ENY2: variants seen among roughly 807,000 people sequenced by gnomAD.
ENY2 encodes transcription and mRNA export factor ENY2.
A neutral mutation model predicts 15.9 loss-of-function variants in ENY2; 4 were observed. The observed-to-expected ratio is 0.25, with a 90% CI of 0.12 to 0.57. ENY2 has a LOEUF of 0.57. Ranked by LOEUF, ENY2 falls within the 20% of genes least tolerant of loss-of-function variation. The probability of loss-of-function intolerance (pLI) is 0.91; values close to 1 mark genes in which losing one functional copy is unlikely to be tolerated. For synonymous variants in ENY2, 48 were observed against 38.0 expected (o/e 1.26, Z -0.97); for missense variants, 54 against 117.2 (o/e 0.46, Z 2.49).
chr8:109,336,058 C>G (rs1396425011), intron 1 of ENY2, 70 bp from the exon 2 acceptor site: 1 of 1,410,538 alleles, frequency 7.1e-7, no homozygotes, highest in Non-Finnish European at 9.9e-7. Flanking sequence ...TGTTAGGATG[C>G]CTGCCTAGAG....
At chr8:109,337,961 G>GAGCTTGCC (rs769994982) in intron 2 of ENY2, among the ~76,000 whole-genome samples, 12 of 152,148 alleles carry the variant, frequency 7.9e-5, no homozygotes, top group Non-Finnish European at 1.8e-4. Flanking sequence ...CCTGAGATAG[G>GAGCTTGCC]AGCTTGCCTT....
At position 109,336,218 on chromosome 8, in the gene ENY2, T is replaced by G. The variant is rs1481073997; in HGVS notation, c.83+14T>G. 6.2e-7 allele frequency: 1 copy of G among 1,603,898 alleles called. No individual in the cohort carries two copies. Among genetic ancestry groups the G allele is most frequent in the African/African-American group, 1.3e-5 (1 of 74,642 alleles). On this transcript the variant is annotated intron_variant, in intron 2 of 4. Coordinates refer to ENST00000521688, the MANE Select transcript of ENY2 (RefSeq NM_020189.6). ...AGAAAGAGAACGGTAAGTAATAGATTGTGTTAATAAATTACATTTCACCGC... is the reference window on the plus strand; with the variant it reads ...AGAAAGAGAACGGTAAGTAATAGATGGTGTTAATAAATTACATTTCACCGC...
chr8:109,340,349 T>C, intron 3 of ENY2, 140 bp from the exon 4 acceptor site: 2 of 1,247,182 alleles, frequency 1.6e-6, no homozygotes, highest in South Asian at 2.8e-5. Context: ...GTTTGTAAGG[T>C]TGAACTAAAT....
chr8:109,336,068 G>A (rs1481926049), intron 1 of ENY2, 60 bp from the exon 2 acceptor site: 2 of 1,519,268 alleles, frequency 1.3e-6, no homozygotes, highest in Non-Finnish European at 9.1e-7. Context: ...CCTGCCTAGA[G>A]GATTTAGCAG....
chr8:109,335,106 C>T (rs1422749545), intron 1 of ENY2: 1 of 152,196 alleles, frequency 6.6e-6, no homozygotes, highest in Non-Finnish European at 1.5e-5. Flanking sequence ...GTGGCTTTAA[C>T]GCTTTCAAAA....
At chr8:109,339,859 G>C (rs1417914319) in intron 3 of ENY2, 1 of 154,562 alleles carries the variant, frequency 6.5e-6, no homozygotes, top group Non-Finnish European at 1.4e-5. Context: ...TGTCACTAAG[G>C]GGAGCCTCCT....
chr8:109,340,729 A>G (rs1816093115), intron 4 of ENY2, 166 bp downstream of exon 4: 2 of 702,764 alleles, frequency 2.8e-6, no homozygotes, highest in South Asian at 3.9e-5. Flanking sequence ...GTCTGGGAGT[A>G]ACAAATGAGA....
At chr8:109,334,582 G>A (rs1169514513) in intron 1 of ENY2, 108 bp downstream of exon 1, 15 of 1,374,312 alleles carry the variant, frequency 1.1e-5, no homozygotes, top group Middle Eastern at 2.1e-4. Context: ...GGGCCTGTAG[G>A]GCTCTCCGAC....
rs1157854878 is a variant in ENY2, at chr8:109,345,807, A to T, written c.*2326A>T. On this transcript the variant is annotated 3_prime_UTR_variant, in exon 5 of 5. Transcript: ENST00000521688. ...ATTGAGAACATCACAGCAATTTAGA[A>T]TACTAAAGAGCATAGCTTTAAAATG... 6.6e-6 allele frequency: 1 copy of T among 152,194 alleles called. No individual in the cohort carries two copies. Among genetic ancestry groups the T allele is most frequent in the African/African-American group, 2.4e-5 (1 of 41,448 alleles). 9.4% of individuals were successfully genotyped at this position (152,194 alleles called of 1,614,324 possible).
intron 1 of ENY2, chr8:109,334,823 T>A: frequency 2.7e-6 from 1 of 376,670 alleles, no homozygotes; most frequent in Non-Finnish European, 4.8e-6. Context: ...GAGATCAAGT[T>A]CAATATTCCA....
At chr8:109,340,451 T>C in intron 3 of ENY2, 38 bp from the exon 4 acceptor site, 17 of 1,608,096 alleles carry the variant, frequency 1.1e-5, no homozygotes, top group Non-Finnish European at 1.3e-5. Context: ...CAGATAATGA[T>C]TTTAAATGAT....
At position 109,334,439 on chromosome 8, in the gene ENY2, G is replaced by A. The variant is rs1423871383; in HGVS notation, c.-30G>A. 6.2e-7 allele frequency: 1 copy of A among 1,613,948 alleles called. No homozygotes were observed. Among genetic ancestry groups the A allele is most frequent in the Admixed American group, 1.7e-5 (1 of 59,998 alleles). On this transcript the variant is annotated 5_prime_UTR_variant, in exon 1 of 5. Coordinates refer to ENST00000521688, the MANE Select transcript of ENY2 (RefSeq NM_020189.6). ...TCCTCAGCGCAAGGGTCATTTCGTC[G>A]CTGGGAAGGGACGGCCCTCGCCCGC...
intron 2 of ENY2, 131 bp from the exon 3 acceptor site, chr8:109,339,189 G>C: frequency 1.4e-6 from 1 of 717,578 alleles, no homozygotes; most frequent in Non-Finnish European, 2.4e-6. Context: ...TTTGAACCAA[G>C]ATTAGGCCAC....
Sources: gnomAD v4.1 joint callset for allele counts (sites outside exome capture counted in the v4.1 genomes callset) on GRCh38, gnomAD v4.1.1 for gene constraint, MANE v1.5 for transcripts, NCBI Gene and HGNC (gene_info 2026-07-23, HGNC 2026-07-21) for gene names.